The following CRPPA variants were observed in gnomAD, a reference collection of about 807,000 sequenced individuals.
CRPPA encodes D-ribitol-5-phosphate cytidylyltransferase.
CRPPA carries 43 observed loss-of-function variants against 52.0 expected under a neutral mutation model. That is an observed-to-expected ratio of 0.83 (90% CI 0.65 to 1.07). The LOEUF is 1.07. Ranked by LOEUF, CRPPA falls within the 50% of genes least tolerant of loss-of-function variation. The pLI, the probability that CRPPA is intolerant of heterozygous loss-of-function variation, is 0.00. For missense variants in CRPPA, 629 were observed against 551.7 expected, an observed-to-expected ratio of 1.14 and a Z score of -1.40; for synonymous variants, 250 against 203.5, an observed-to-expected ratio of 1.23 and a Z score of -1.94.
At chr7:16,121,273 A>T (rs1782475005) in intron 9 of CRPPA, among the ~76,000 whole-genome samples, 1 of 152,080 alleles carries the variant, frequency 6.6e-6, no homozygotes, top group South Asian at 2.1e-4. Context: ...TTTATATCAA[A>T]TTTAAAAATA....
chr7:16,286,448 G>C (rs7776758), intron 5 of CRPPA, among the ~76,000 whole-genome samples: 6,303 of 151,886 alleles, frequency 0.041, 434 homozygotes, highest in African/African-American at 0.14. Context: ...GAACTTACAC[G>C]GGCAAATGTC....
intron 3 of CRPPA, among the ~76,000 whole-genome samples, chr7:16,324,969 T>C (rs1290767033): frequency 6.6e-6 from 1 of 152,228 alleles, no homozygotes; most frequent in Non-Finnish European, 1.5e-5. Flanking sequence ...TGGTGCAGCC[T>C]TGTTTCTTGT....
At chr7:16,220,589 A>G (rs1377622418) in intron 8 of CRPPA, among the ~76,000 whole-genome samples, 1 of 128,310 alleles carries the variant, frequency 7.8e-6, no homozygotes, top group Non-Finnish European at 1.6e-5. Flanking sequence ...AAGCAACTTC[A>G]GCAAAGTCTC....
At chr7:16,360,830 T>C (rs1786424010) in intron 3 of CRPPA, among the ~76,000 whole-genome samples, 1 of 152,176 alleles carries the variant, frequency 6.6e-6, no homozygotes, top group African/African-American at 2.4e-5. Flanking sequence ...CAGTGATTTC[T>C]TGGATATAAC....
At chr7:16,285,362 AC>A (rs1294488313) in intron 5 of CRPPA, among the ~76,000 whole-genome samples, 1 of 152,136 alleles carries the variant, frequency 6.6e-6, no homozygotes, top group Non-Finnish European at 1.5e-5. Context: ...CTGATATTAG[AC>A]TGATATTAGC....
At chr7:16,246,801 C>T (rs556888477) in intron 8 of CRPPA, among the ~76,000 whole-genome samples, 1 of 152,332 alleles carries the variant, frequency 6.6e-6, no homozygotes, top group Admixed American at 6.5e-5. Context: ...GTGCTGTCAT[C>T]CAGGTTTTGT....
chr7:16,190,372 G>A (rs1181631449), intron 9 of CRPPA, among the ~76,000 whole-genome samples: 1 of 152,128 alleles, frequency 6.6e-6, no homozygotes, highest in Non-Finnish European at 1.5e-5. Context: ...AGCTGTTTTA[G>A]GTAATAGGAA....
At chr7:16,162,971 C>CTT (rs1780941520) in intron 9 of CRPPA, among the ~76,000 whole-genome samples, 2 of 125,936 alleles carry the variant, frequency 1.6e-5, no homozygotes. Context: ...CTTTTTCTTT[C>CTT]TCTTTTTTTT....
At chr7:16,224,202 C>G (rs549037994) in intron 8 of CRPPA, among the ~76,000 whole-genome samples, 1 of 152,028 alleles carries the variant, frequency 6.6e-6, no homozygotes. Flanking sequence ...CTCAGCTCTA[C>G]GCAAGCTTTA....
intron 8 of CRPPA, among the ~76,000 whole-genome samples, chr7:16,224,534 G>C (rs1016712296): frequency 3.9e-5 from 6 of 152,104 alleles, no homozygotes; most frequent in Admixed American, 1.3e-4. Flanking sequence ...AAAGTGGAAG[G>C]AAGGATGGTC....
chr7:16,333,522 G>A (rs1785607084), intron 3 of CRPPA, among the ~76,000 whole-genome samples: 2 of 152,170 alleles, frequency 1.3e-5, no homozygotes, highest in Non-Finnish European at 2.9e-5. Flanking sequence ...ACAGAACTTA[G>A]TAAAGTTTCT....
At chr7:16,215,317 C>T (rs1214359973) in intron 9 of CRPPA, among the ~76,000 whole-genome samples, 1 of 152,164 alleles carries the variant, frequency 6.6e-6, no homozygotes, top group African/African-American at 2.4e-5. Context: ...GTCACAAATC[C>T]AATGAAAGCT....
intron 9 of CRPPA, among the ~76,000 whole-genome samples, chr7:16,183,496 T>C (rs139667649): frequency 7.2e-5 from 11 of 152,306 alleles, no homozygotes; most frequent in African/African-American, 2.6e-4. Context: ...TTACCAGGAT[T>C]AGCATTTCTT....
At chr7:16,285,552 A>G (rs1784406843) in intron 5 of CRPPA, among the ~76,000 whole-genome samples, 2 of 152,178 alleles carry the variant, frequency 1.3e-5, no homozygotes, top group Non-Finnish European at 2.9e-5. Context: ...CAGCATTTAA[A>G]GGTCACATAG....
chr7:16,297,125 T>C (rs918973404), intron 5 of CRPPA, among the ~76,000 whole-genome samples: 1 of 152,094 alleles, frequency 6.6e-6, no homozygotes, highest in African/African-American at 2.4e-5. Flanking sequence ...TTAAAGACAA[T>C]GTAGACCTGA....
At chr7:16,111,892 A>G (rs1269353874) in intron 9 of CRPPA, among the ~76,000 whole-genome samples, 1 of 152,204 alleles carries the variant, frequency 6.6e-6, no homozygotes, top group Admixed American at 6.5e-5. Context: ...ACATTTCAAA[A>G]CTGCTGAGTA....
intron 3 of CRPPA, among the ~76,000 whole-genome samples, chr7:16,357,558 C>A (rs976494307): frequency 6.6e-6 from 1 of 152,094 alleles, no homozygotes; most frequent in African/African-American, 2.4e-5. Flanking sequence ...CCTCAATTCC[C>A]CGCTACCTTG....
At chr7:16,262,720 C>G (rs1783841663) in intron 6 of CRPPA, among the ~76,000 whole-genome samples, 2 of 152,158 alleles carry the variant, frequency 1.3e-5, no homozygotes, top group Non-Finnish European at 2.9e-5. Flanking sequence ...CCTTGGCTCT[C>G]ACACTTCAGC....
At chr7:16,129,312 A>T (rs1031493502) in intron 9 of CRPPA, among the ~76,000 whole-genome samples, 1 of 151,894 alleles carries the variant, frequency 6.6e-6, no homozygotes, top group Admixed American at 6.6e-5. Flanking sequence ...AAAGTCTTTC[A>T]TCTCCTGCCT....
Sources: gnomAD v4.1 joint callset for allele counts (sites outside exome capture counted in the v4.1 genomes callset) on GRCh38, gnomAD v4.1.1 for gene constraint, MANE v1.5 for transcripts, NCBI Gene and HGNC (gene_info 2026-07-23, HGNC 2026-07-21) for gene names.